The following KCNN2 variants were observed in gnomAD, a reference collection of about 807,000 sequenced individuals.
KCNN2 encodes small conductance calcium-activated potassium channel protein 2.
KCNN2 carries 24 observed loss-of-function variants against 55.5 expected under a neutral mutation model. The ratio of observed to expected loss-of-function variants is 0.43; its 90% CI spans 0.31 to 0.61. KCNN2 has a LOEUF of 0.61. Ranked by LOEUF, KCNN2 falls within the 20% of genes least tolerant of loss-of-function variation. The pLI, the probability that KCNN2 is intolerant of heterozygous loss-of-function variation, is 0.08. For synonymous variants in KCNN2, 431 were observed against 336.1 expected (o/e 1.28, Z -3.09); for missense variants, 754 against 853.6 (o/e 0.88, Z 1.45).
intron 2 of KCNN2, among the ~76,000 whole-genome samples, chr5:114,389,847 A>G (rs949463251): frequency 6.6e-6 from 1 of 152,176 alleles, no homozygotes; most frequent in African/African-American, 2.4e-5. Flanking sequence ...ATCATAATGT[A>G]AATTAGTGGG....
At chr5:114,256,463 C>G (rs535164416) in intron 2 of KCNN2, among the ~76,000 whole-genome samples, 1 of 152,212 alleles carries the variant, frequency 6.6e-6, no homozygotes, top group African/African-American at 2.4e-5. Context: ...ATACTGTTGT[C>G]CATAGATGTT....
intron 5 of KCNN2, among the ~76,000 whole-genome samples, chr5:114,483,113 A>C (rs1762298723): frequency 6.6e-6 from 1 of 152,090 alleles, no homozygotes; most frequent in Non-Finnish European, 1.5e-5. Context: ...ATTATACTTA[A>C]AAATATTTTG....
intron 2 of KCNN2, among the ~76,000 whole-genome samples, chr5:114,256,030 C>CT (rs1250199157): frequency 6.6e-6 from 1 of 152,030 alleles, no homozygotes; most frequent in East Asian, 1.9e-4. Context: ...TCTCCAGTGT[C>CT]TATTATTCCA....
intron 1 of KCNN2, among the ~76,000 whole-genome samples, chr5:114,060,231 G>T (rs990087711): frequency 6.6e-6 from 1 of 152,224 alleles, no homozygotes; most frequent in Non-Finnish European, 1.5e-5. Context: ...AGCTGGCCCT[G>T]CCCTGCTACA....
intron 2 of KCNN2, among the ~76,000 whole-genome samples, chr5:114,398,611 A>T (rs1758692126): frequency 6.6e-6 from 1 of 152,098 alleles, no homozygotes; most frequent in South Asian, 2.1e-4. Flanking sequence ...TGATAGGAAT[A>T]ACACTGATTC....
chr5:114,274,115 G>C (rs530738310), intron 2 of KCNN2, among the ~76,000 whole-genome samples: 32 of 152,298 alleles, frequency 2.1e-4, no homozygotes, highest in Non-Finnish European at 3.4e-4. Context: ...CCCATTGCTT[G>C]TGTGTGTTAG....
At chr5:114,178,322 T>C (rs1337458503) in intron 1 of KCNN2, among the ~76,000 whole-genome samples, 1 of 152,198 alleles carries the variant, frequency 6.6e-6, no homozygotes, top group African/African-American at 2.4e-5. Context: ...CCTTTCCACT[T>C]TGATCTGATT....
intron 2 of KCNN2, among the ~76,000 whole-genome samples, chr5:114,379,449 T>C (rs1561596256): frequency 7.3e-6 from 1 of 137,340 alleles, no homozygotes; most frequent in African/African-American, 2.6e-5. Context: ...TATATATTTA[T>C]AGAATATATT....
At chr5:114,148,188 T>G (rs114106200) in intron 1 of KCNN2, among the ~76,000 whole-genome samples, 4,696 of 152,110 alleles carry the variant, frequency 0.031, 253 homozygotes, top group African/African-American at 0.11. Flanking sequence ...TAAAGGAATA[T>G]GAAAAAAGTA....
chr5:114,163,795 T>C (rs536430190), intron 1 of KCNN2, among the ~76,000 whole-genome samples: 35 of 152,330 alleles, frequency 2.3e-4, no homozygotes, highest in African/African-American at 8.2e-4. Context: ...TGAAGAGGCA[T>C]ATGAAGTGCT....
At chr5:114,455,048 C>A (rs563889829) in intron 3 of KCNN2, among the ~76,000 whole-genome samples, 6 of 151,576 alleles carry the variant, frequency 4.0e-5, no homozygotes, top group Non-Finnish European at 7.4e-5. Context: ...ATTTTCTATC[C>A]TTTATTGAGT....
chr5:114,202,445 C>G (rs1427696829), intron 1 of KCNN2, among the ~76,000 whole-genome samples: 6 of 150,976 alleles, frequency 4.0e-5, no homozygotes, highest in African/African-American at 1.5e-4. Context: ...GTTTTAACCC[C>G]AAAACACTGA....
intron 2 of KCNN2, among the ~76,000 whole-genome samples, chr5:114,333,759 C>G (rs1252720037): frequency 2.6e-5 from 4 of 152,036 alleles, no homozygotes; most frequent in Non-Finnish European, 5.9e-5. Context: ...TTTAAAAGTT[C>G]TAAGTCAATA....
intron 2 of KCNN2, among the ~76,000 whole-genome samples, chr5:114,346,769 C>CAAAAAA (rs138308313): frequency 2.2e-5 from 3 of 136,112 alleles, no homozygotes; most frequent in Non-Finnish European, 4.7e-5. Flanking sequence ...ATTCATTCTC[C>CAAAAAA]AAAAAAAAAA....
At chr5:114,429,631 TC>T (rs1205755199) in intron 3 of KCNN2, among the ~76,000 whole-genome samples, 1 of 152,060 alleles carries the variant, frequency 6.6e-6, no homozygotes, top group Non-Finnish European at 1.5e-5. Flanking sequence ...AATGTTTTCT[TC>T]CGTGGATTGT....
chr5:114,259,717 G>A (rs547460657), intron 2 of KCNN2, among the ~76,000 whole-genome samples: 92 of 152,102 alleles, frequency 6.0e-4, no homozygotes, highest in African/African-American at 1.9e-3. Flanking sequence ...GAGGGGAGCC[G>A]AAACACTCCC....
chr5:114,400,212 A>G (rs556003606), intron 2 of KCNN2, among the ~76,000 whole-genome samples: 4 of 152,092 alleles, frequency 2.6e-5, no homozygotes, highest in African/African-American at 9.6e-5. Flanking sequence ...GTTAGGTTTT[A>G]AATTTGAGAT....
intron 1 of KCNN2, among the ~76,000 whole-genome samples, chr5:114,187,027 T>A (rs1411917719): frequency 6.6e-6 from 1 of 152,176 alleles, no homozygotes; most frequent in East Asian, 1.9e-4. Context: ...TGGTTCAAAT[T>A]AAATATATTA....
intron 5 of KCNN2, among the ~76,000 whole-genome samples, chr5:114,473,735 A>G (rs1761853640): frequency 6.6e-6 from 1 of 152,218 alleles, no homozygotes; most frequent in Admixed American, 6.5e-5. Flanking sequence ...AATGTTTAAG[A>G]GCACTTTCTG....
Sources: allele counts gnomAD v4.1 joint callset (sites outside exome capture counted in the v4.1 genomes callset), GRCh38; gene constraint gnomAD v4.1.1; transcripts MANE v1.5; gene names NCBI Gene and HGNC (gene_info 2026-07-23, HGNC 2026-07-21).